NDST4: variants seen among roughly 807,000 people sequenced by gnomAD.
The protein encoded by NDST4 is N-deacetylase and N-sulfotransferase 4.
In NDST4, 63 loss-of-function variants were observed where a neutral mutation model predicts 100.8. The ratio of observed to expected loss-of-function variants is 0.62; its 90% CI spans 0.51 to 0.77. NDST4 has a LOEUF of 0.77. NDST4 is among the 30% of genes least tolerant of loss of function. NDST4 has a pLI of 0.00. For synonymous variants in NDST4, 377 were observed against 361.8 expected (o/e 1.04, Z -0.48); for missense variants, 943 against 1,018.4 (o/e 0.93, Z 1.01).
chr4:115,102,704 CTTTTTTTTTTTTT>C (rs751431042), intron 1 of NDST4, among the ~76,000 whole-genome samples: 2 of 90,578 alleles, frequency 2.2e-5, no homozygotes, highest in Non-Finnish European at 3.8e-5. Context: ...TTCTGACTTC[CTTTTTTTTTTTTT>C]TTTTTTTTGA....
intron 4 of NDST4, among the ~76,000 whole-genome samples, chr4:114,953,703 A>G (rs770564516): frequency 3.9e-5 from 6 of 152,186 alleles, no homozygotes; most frequent in Non-Finnish European, 5.9e-5. Flanking sequence ...AATGAATAAA[A>G]CAATAAATAA....
intron 2 of NDST4, among the ~76,000 whole-genome samples, chr4:115,037,974 C>G (rs1431185259): frequency 6.6e-6 from 1 of 152,066 alleles, no homozygotes; most frequent in Non-Finnish European, 1.5e-5. Flanking sequence ...CATGTTTTGA[C>G]TATAATTGCA....
intron 2 of NDST4, among the ~76,000 whole-genome samples, chr4:114,994,322 C>T (rs1180002178): frequency 6.6e-6 from 1 of 151,948 alleles, no homozygotes; most frequent in African/African-American, 2.4e-5. Context: ...TTTCTCCCAG[C>T]CACTTGAATG....
rs780516075 is a variant in NDST4 at position 115,076,562 on chromosome 4, C to T, written c.475G>A (p.Val159Ile). The T allele has an allele frequency of 8.1e-6, 13 of 1,613,874 alleles. No individual in the cohort carries two copies. Among genetic ancestry groups the T allele is most frequent in the South Asian group, 3.3e-5 (3 of 91,084 alleles). The change falls in exon 2 of 14, where the codon GTT (valine) becomes ATT (isoleucine). Residue 159 changes from valine (V) to isoleucine (I), a missense_variant. Coordinates refer to ENST00000264363, the MANE Select transcript of NDST4 (RefSeq NM_022569.3). The stretch of plus-strand genomic sequence containing the variant: ...GCTTTATGAAAACCGATTATACTAA[C>T]ACTGTATTCCACACAGTATTTTTCT... ...LLEKYCVEYS[V>I]SIIGFHKANE... is the part of the protein sequence containing the mutation.
At chr4:114,895,485 A>G (rs578237808) in intron 6 of NDST4, among the ~76,000 whole-genome samples, 1 of 152,348 alleles carries the variant, frequency 6.6e-6, no homozygotes, top group East Asian at 1.9e-4. Flanking sequence ...AAATTGGGGC[A>G]GTAATTAATA....
At position 114,970,017 on chromosome 4, in the gene NDST4, G is replaced by A. The variant is rs533135901; in HGVS notation, c.1221+413C>T. Among the ~76,000 whole-genome samples the A allele has an allele frequency of 2.0e-5, 3 of 152,258 alleles. No individual in the cohort carries two copies. The South Asian group carries it at 6.2e-4, about 32-fold the overall frequency. On this transcript the variant is annotated intron_variant, in intron 4 of 13. Coordinates refer to ENST00000264363, the MANE Select transcript of NDST4 (RefSeq NM_022569.3). Reference sequence around the variant, plus strand: ...TAATAACTGTTATTCTGATTGGAATGAGATGGTATCTCATTGTGGTTTTGA... The same window carrying A: ...TAATAACTGTTATTCTGATTGGAATAAGATGGTATCTCATTGTGGTTTTGA...
chr4:114,949,247 C>G (rs1014647159), intron 4 of NDST4, among the ~76,000 whole-genome samples: 1 of 151,614 alleles, frequency 6.6e-6, no homozygotes, highest in Admixed American at 6.6e-5. Flanking sequence ...GGATATTATT[C>G]TATATAAATA....
chr4:115,109,327 A>C (rs988509453), intron 1 of NDST4, among the ~76,000 whole-genome samples: 7 of 151,940 alleles, frequency 4.6e-5, no homozygotes, highest in Non-Finnish European at 1.0e-4. Context: ...AAGGAGGCTA[A>C]ATATTTGAAA....
chr4:114,982,390 A>T (rs895702274), intron 2 of NDST4, among the ~76,000 whole-genome samples: 3 of 152,204 alleles, frequency 2.0e-5, no homozygotes, highest in Non-Finnish European at 4.4e-5. Flanking sequence ...AGCAAAGGTC[A>T]TTCTTGCTAT....
intron 10 of NDST4, among the ~76,000 whole-genome samples, chr4:114,845,419 C>G (rs1372700787): frequency 1.3e-5 from 2 of 152,132 alleles, no homozygotes; most frequent in South Asian, 2.1e-4. Context: ...TCACTTTGCT[C>G]ATTTTTCTAC....
chr4:114,997,354 A>G (rs1412188975), intron 2 of NDST4, among the ~76,000 whole-genome samples: 1 of 152,124 alleles, frequency 6.6e-6, no homozygotes, highest in Admixed American at 6.6e-5. Flanking sequence ...TGAGAAAAAA[A>G]CAAAAAGAGT....
intron 13 of NDST4, 94 bp downstream of exon 13, chr4:114,829,696 G>C (rs146649444): frequency 1.3e-6 from 1 of 757,298 alleles, no homozygotes; most frequent in East Asian, 2.7e-5. Context: ...CAAAGGAAGA[G>C]CAGAAAAAGG....
chr4:115,023,964 C>CG (rs149279304), intron 2 of NDST4, among the ~76,000 whole-genome samples: 11,672 of 152,144 alleles, frequency 0.077, 1,500 homozygotes, highest in African/African-American at 0.26. Flanking sequence ...AGCCTAGCCA[C>CG]GCTCAAGTGG....
At chr4:114,945,208 C>CAAA (rs1173970826) in intron 4 of NDST4, among the ~76,000 whole-genome samples, 15,092 of 53,556 alleles carry the variant, frequency 0.28, 2,849 homozygotes, top group Middle Eastern at 0.35. Flanking sequence ...AACTCCGTCT[C>CAAA]AAAAAAAAAA....
At chr4:114,891,508 C>G (rs961709033) in intron 6 of NDST4, among the ~76,000 whole-genome samples, 3 of 152,040 alleles carry the variant, frequency 2.0e-5, no homozygotes, top group Admixed American at 6.6e-5. Context: ...GTTCTCGATG[C>G]CCTGTCAGTT....
chr4:114,978,705 T>A (rs1726697736), intron 2 of NDST4, among the ~76,000 whole-genome samples: 1 of 142,324 alleles, frequency 7.0e-6, no homozygotes, highest in Non-Finnish European at 1.5e-5. Context: ...CTTTTCTGGC[T>A]TTTTTTTTGG....
rs541393255 is a variant in NDST4, at chr4:114,917,789, A to G, written c.1536+17417T>C. On this transcript the variant is annotated intron_variant, in intron 6 of 13. Coordinates refer to ENST00000264363, the MANE Select transcript of NDST4 (RefSeq NM_022569.3). ...CAAGCTCTCTGATACTGAATTAATT[A>G]GTTAACTTCTCTGAATAGTTTCCTC... Among the ~76,000 whole-genome samples, 16 of 152,330 alleles carry G rather than the reference A, an allele frequency of 1.1e-4. No homozygotes were observed. In the South Asian group the frequency reaches 3.3e-3, roughly 32 times the overall value.
chr4:115,082,260 T>A (rs1729320299), intron 1 of NDST4, among the ~76,000 whole-genome samples: 1 of 152,218 alleles, frequency 6.6e-6, no homozygotes, highest in African/African-American at 2.4e-5. Flanking sequence ...AACACTATTG[T>A]TTTATATATC....
chr4:114,877,757 G>A (rs1724286155), intron 6 of NDST4, among the ~76,000 whole-genome samples: 2 of 152,076 alleles, frequency 1.3e-5, no homozygotes, highest in African/African-American at 4.8e-5. Context: ...AGACCAGCCT[G>A]GCCAAACCTG....
Sources: allele counts gnomAD v4.1 joint callset (sites outside exome capture counted in the v4.1 genomes callset), GRCh38; gene constraint gnomAD v4.1.1; transcripts MANE v1.5; gene names NCBI Gene and HGNC (gene_info 2026-07-23, HGNC 2026-07-21).